The following CSGALNACT1 variants were observed in gnomAD, a reference collection of about 807,000 sequenced individuals.
CSGALNACT1 encodes the protein beta4GalNAcT-1.
In CSGALNACT1, 52 loss-of-function variants were observed where a neutral mutation model predicts 51.0. The ratio of observed to expected loss-of-function variants is 1.02; its 90% CI spans 0.82 to 1.29. CSGALNACT1 has a LOEUF of 1.29. Ranked by LOEUF, CSGALNACT1 falls within the 50% of genes most tolerant of loss-of-function variation. The pLI is 0.00. For synonymous variants in CSGALNACT1, 341 were observed against 254.4 expected, an observed-to-expected ratio of 1.34 and a Z score of -3.24; for missense variants, 935 against 679.2, an observed-to-expected ratio of 1.38 and a Z score of -4.19.
chr8:19,575,249 A>G (rs1236732339), intron 3 of CSGALNACT1, among the ~76,000 whole-genome samples: 2 of 152,210 alleles, frequency 1.3e-5, no homozygotes, highest in Non-Finnish European at 2.9e-5. Context: ...AATAATTGCT[A>G]CCACTAGCTG....
At chr8:19,681,848 T>C (rs972372225) in intron 1 of CSGALNACT1, among the ~76,000 whole-genome samples, 1 of 151,992 alleles carries the variant, frequency 6.6e-6, no homozygotes, top group South Asian at 2.1e-4. Context: ...TAGGGCAGAG[T>C]TCACAGGGCC....
At chr8:19,572,119 C>A (rs2043176388) in intron 3 of CSGALNACT1, among the ~76,000 whole-genome samples, 1 of 152,124 alleles carries the variant, frequency 6.6e-6, no homozygotes, top group Non-Finnish European at 1.5e-5. Flanking sequence ...ACATCGGCAA[C>A]AACAACAAAA....
At chr8:19,405,840 C>T (rs2054036860) in exon 10 of CSGALNACT1, 1 of 1,614,042 alleles carries the variant, frequency 6.2e-7, no homozygotes, top group Admixed American at 1.7e-5. Context: ...CTATCTCGTG[C>T]CTGAACACCA....
At chr8:19,530,555 G>A (rs1040068196) in intron 3 of CSGALNACT1, among the ~76,000 whole-genome samples, 38 of 152,132 alleles carry the variant, frequency 2.5e-4, no homozygotes, top group Admixed American at 1.3e-4. Context: ...ATGTAAAACC[G>A]ATAGCACAGC....
chr8:19,606,437 CA>C (rs2051380950), upstream of CSGALNACT1, among the ~76,000 whole-genome samples: 1 of 152,180 alleles, frequency 6.6e-6, no homozygotes, highest in South Asian at 2.1e-4. Flanking sequence ...TCTTGGATGT[CA>C]CACATGATAA....
intron 1 of CSGALNACT1, among the ~76,000 whole-genome samples, chr8:19,620,311 T>C (rs1019598429): frequency 3.2e-4 from 16 of 49,860 alleles, no homozygotes; most frequent in African/African-American, 1.3e-3. Flanking sequence ...TGAGACTCTG[T>C]CTCAAAAAAA....
chr8:19,463,994 G>A (rs1304342046), intron 4 of CSGALNACT1, among the ~76,000 whole-genome samples: 1 of 152,216 alleles, frequency 6.6e-6, no homozygotes, highest in Non-Finnish European at 1.5e-5. Flanking sequence ...ACCTTGACAA[G>A]GGATAAGAAA....
At chr8:19,428,485 C>A (rs2059129614) in intron 6 of CSGALNACT1, among the ~76,000 whole-genome samples, 1 of 152,094 alleles carries the variant, frequency 6.6e-6, no homozygotes. Context: ...GGGAAAATGC[C>A]CCCATGATTA....
At chr8:19,546,598 G>A (rs1341135295) in intron 3 of CSGALNACT1, among the ~76,000 whole-genome samples, 1 of 152,166 alleles carries the variant, frequency 6.6e-6, no homozygotes, top group Non-Finnish European at 1.5e-5. Context: ...ACCATCTGAT[G>A]CTGCACAGCC....
rs150258598 is a variant in CSGALNACT1, at chr8:19,724,979, C to T, written c.-297+32871G>A. 9.8e-5 allele frequency among the ~76,000 whole-genome samples: 15 copies of T among 152,306 alleles called. No homozygotes were observed. The South Asian group carries it at 1.2e-3, about 13-fold the overall frequency. Reference sequence around the variant, plus strand: ...CTCAGCATCTCTGAGAGCCCTGCTGCCCCTGATCTCTCCTCCCTGGCTTCA... The same window carrying T: ...CTCAGCATCTCTGAGAGCCCTGCTGTCCCTGATCTCTCCTCCCTGGCTTCA... On this transcript the variant is annotated intron_variant, in intron 1 of 1. Transcript: ENST00000517494.
At chr8:19,440,843 C>T (rs371277261) in intron 5 of CSGALNACT1, among the ~76,000 whole-genome samples, 19 of 152,140 alleles carry the variant, frequency 1.2e-4, no homozygotes, top group East Asian at 5.8e-4. Flanking sequence ...CAAAATCTCC[C>T]TAAGCTGATA....
intron 3 of CSGALNACT1, among the ~76,000 whole-genome samples, chr8:19,560,794 C>A (rs933935641): frequency 6.6e-6 from 1 of 152,180 alleles, no homozygotes; most frequent in African/African-American, 2.4e-5. Context: ...GCCAGCAATT[C>A]CACTTCTGGG....
At position 19,666,929 on chromosome 8, in the gene CSGALNACT1, CAGAG is replaced by C. The variant is rs1201286393; in HGVS notation, c.-544+15540_-544+15543del. On this transcript the variant is annotated intron_variant, in intron 1 of 9. Coordinates refer to the CSGALNACT1 transcript ENST00000332246. ...AGGGAGGAAGGGAGGAAGGGAGAGA[CAGAG>C]AGAGAGAGAAAAAGAAAGAAAGAAA... Among the ~76,000 whole-genome samples, 30 of 86,048 alleles carry C rather than the reference CAGAG, an allele frequency of 3.5e-4. 1 individual carries two copies. The highest frequency in any genetic ancestry group is 1.0e-3 in the African/African-American group (22 of 21,206). The allele number at this position is 86,048 out of a possible 152,430, so 56.5% of individuals were successfully genotyped here.
chr8:19,688,370 A>G (rs2061096333), intron 1 of CSGALNACT1, among the ~76,000 whole-genome samples: 1 of 152,206 alleles, frequency 6.6e-6, no homozygotes, highest in African/African-American at 2.4e-5. Flanking sequence ...CTTTGGTCTA[A>G]TATAAAACAA....
chr8:19,483,641 C>T (rs1340279469), intron 4 of CSGALNACT1, among the ~76,000 whole-genome samples: 1 of 152,194 alleles, frequency 6.6e-6, no homozygotes, highest in African/African-American at 2.4e-5. Context: ...TTCCTTCCTA[C>T]ATGCCCCATA....
At chr8:19,412,404 C>T (rs975900974) in intron 8 of CSGALNACT1, among the ~76,000 whole-genome samples, 3 of 152,224 alleles carry the variant, frequency 2.0e-5, no homozygotes, top group East Asian at 1.9e-4. Flanking sequence ...GGAAGGCAGC[C>T]GCCCTGCAGC....
rs1206574707 is a variant in CSGALNACT1, at chr8:19,418,667, C to G, written c.1216G>C (p.Glu406Gln). Reference sequence around the variant, plus strand: ...GGGTAATTACTCACCAGCTGCTGTTCCAAGGGAGGGACTGCATCATGGTGG... The same window carrying G: ...GGGTAATTACTCACCAGCTGCTGTTGCAAGGGAGGGACTGCATCATGGTGG... The change falls in exon 8 of 10, where the codon GAA (glutamate) becomes CAA (glutamine). Residue 406 changes from glutamate (E) to glutamine (Q), a missense_variant. Transcript: ENST00000454498. The G allele has an allele frequency of 6.2e-7, 1 of 1,611,372 alleles. No individual in the cohort carries two copies. Among genetic ancestry groups the G allele is most frequent in the Non-Finnish European group, 8.5e-7 (1 of 1,177,650 alleles).
chr8:19,496,303 A>G (rs985571971), intron 4 of CSGALNACT1, among the ~76,000 whole-genome samples: 2 of 152,232 alleles, frequency 1.3e-5, no homozygotes, highest in African/African-American at 4.8e-5. Flanking sequence ...CGAGGCTTTC[A>G]TATTCAAAAG....
intron 1 of CSGALNACT1, among the ~76,000 whole-genome samples, chr8:19,671,561 C>T (rs1418531830): frequency 2.0e-5 from 3 of 152,208 alleles, no homozygotes; most frequent in African/African-American, 7.2e-5. Context: ...TTGTTCTAGG[C>T]TTCTGGGACA....
Sources: gnomAD v4.1 joint callset for allele counts (sites outside exome capture counted in the v4.1 genomes callset) on GRCh38, gnomAD v4.1.1 for gene constraint, MANE v1.5 for transcripts, NCBI Gene and HGNC (gene_info 2026-07-23, HGNC 2026-07-21) for gene names.